Variants in CDH13 observed in about 807,000 individuals in gnomAD.
CDH13 encodes cadherin 13.
Under a neutral mutation model 63.8 loss-of-function variants are expected in CDH13, and 24 were observed. That is an observed-to-expected ratio of 0.38 (90% CI 0.27 to 0.53). CDH13 has a LOEUF of 0.53. CDH13 is among the 20% of genes least tolerant of loss of function. The pLI, the probability that CDH13 is intolerant of heterozygous loss-of-function variation, is 0.85. For missense variants in CDH13, 1,049 were observed against 903.1 expected (o/e 1.16, Z -2.07); for synonymous variants, 503 against 355.3 (o/e 1.42, Z -4.67).
At position 83,342,843 on chromosome 16, in the gene CDH13, G is replaced by GTTTTTTTTTTTTT. The variant is rs778316746; in HGVS notation, c.637-2007_637-1995dup. Among the ~76,000 whole-genome samples the GTTTTTTTTTTTTT allele has an allele frequency of 1.9e-3, 125 of 65,290 alleles. 1 individual carries two copies. The highest frequency in any genetic ancestry group is 2.2e-3 in the Non-Finnish European group (83 of 38,046). 42.8% of individuals were successfully genotyped at this position (65,290 alleles called of 152,430 possible). Reference sequence around the variant, plus strand: ...TTAGGCACAGTGTTTTTTTGTTTCTGTTTTTTTTTTTTTTTTTTTTTTTTG... The same window carrying GTTTTTTTTTTTTT: ...TTAGGCACAGTGTTTTTTTGTTTCTGTTTTTTTTTTTTTTTTTTTTTTTTTTTTTTTTTTTTTG... On this transcript the variant is annotated intron_variant, in intron 5 of 13. Transcript: ENST00000567109.
rs1399574032 is a variant in CDH13, at chr16:82,644,051, G to A, written c.45+16914G>A. On this transcript the variant is annotated intron_variant, in intron 1 of 13. Transcript: ENST00000567109. This position sits in a 1 kb window ranked among gnomAD's most constrained non-coding sequence, Gnocchi z 5.7. ...CTTTTAAAAGTAGTAAGTGGTTTAG[G>A]ATGGGGGGTGGTATGGAGGTCGGGT... 6.6e-6 allele frequency among the ~76,000 whole-genome samples: 1 copy of A among 152,186 alleles called. No homozygotes were observed. Among genetic ancestry groups the A allele is most frequent in the South Asian group, 2.1e-4 (1 of 4,814 alleles).
intron 6 of CDH13, among the ~76,000 whole-genome samples, chr16:83,414,258 A>C (rs1174288176): frequency 6.6e-6 from 1 of 152,204 alleles, no homozygotes; most frequent in African/African-American, 2.4e-5. Context: ...TGTTGTTTAA[A>C]AAACAACTTT....
At chr16:83,135,470 C>T (rs551993153) in intron 4 of CDH13, among the ~76,000 whole-genome samples, 8 of 152,304 alleles carry the variant, frequency 5.3e-5, no homozygotes, top group African/African-American at 1.9e-4. Context: ...CTGAGCATGA[C>T]CAAGGTGCAG....
At chr16:83,123,501 A>T (rs909962020) in intron 3 of CDH13, among the ~76,000 whole-genome samples, 2 of 151,196 alleles carry the variant, frequency 1.3e-5, no homozygotes, top group African/African-American at 4.9e-5. Flanking sequence ...CTGGTCTCAA[A>T]CTCCCAACCT....
At chr16:83,552,947 C>A (rs2075534043) in intron 7 of CDH13, among the ~76,000 whole-genome samples, 1 of 152,058 alleles carries the variant, frequency 6.6e-6, no homozygotes, top group Non-Finnish European at 1.5e-5. Context: ...GGAGTGGTGG[C>A]ACGCACCTGT....
intron 3 of CDH13, among the ~76,000 whole-genome samples, chr16:83,074,567 A>C (rs758101334): frequency 5.7e-4 from 87 of 152,176 alleles, no homozygotes; most frequent in Non-Finnish European, 1.0e-3. Flanking sequence ...TTTTTTAAGA[A>C]ATATCCATAC....
At chr16:83,326,763 A>G (rs2090372131) in intron 5 of CDH13, among the ~76,000 whole-genome samples, 1 of 152,188 alleles carries the variant, frequency 6.6e-6, no homozygotes, top group Non-Finnish European at 1.5e-5. Context: ...AGGACACTTA[A>G]GAAAGTTGGA....
rs186772198 is a variant in CDH13 at position 83,161,846 on chromosome 16, G to A, written c.483+36345G>A. ...GAGTTTCAGAAGCCTGAGACGCTAT[G>A]TCAAACAACCCACCGTAGTTATTCA... On this transcript the variant is annotated intron_variant, in intron 4 of 13. Transcript: ENST00000567109. 2.6e-5 allele frequency among the ~76,000 whole-genome samples: 4 copies of A among 152,282 alleles called. No individual in the cohort carries two copies. The East Asian group carries it at 5.8e-4, about 22-fold the overall frequency.
chr16:83,292,002 A>G (rs943455651), intron 5 of CDH13, among the ~76,000 whole-genome samples: 1 of 152,090 alleles, frequency 6.6e-6, no homozygotes, highest in Non-Finnish European at 1.5e-5. Flanking sequence ...TGTATAGGAG[A>G]GTTAATTTGT....
chr16:83,411,024 A>G (rs184234967), intron 6 of CDH13, among the ~76,000 whole-genome samples: 17 of 152,260 alleles, frequency 1.1e-4, no homozygotes, highest in South Asian at 8.3e-4. Flanking sequence ...TTTCTCTCCC[A>G]TATCCAGTTG....
intron 2 of CDH13, among the ~76,000 whole-genome samples, chr16:82,984,857 C>T (rs1910738916): frequency 6.6e-6 from 1 of 152,140 alleles, no homozygotes; most frequent in African/African-American, 2.4e-5. Context: ...CTATGTGCTC[C>T]ATAACTATTA....
At chr16:82,791,437 A>C (rs1597593996) in intron 1 of CDH13, among the ~76,000 whole-genome samples, 1 of 152,180 alleles carries the variant, frequency 6.6e-6, no homozygotes, top group Non-Finnish European at 1.5e-5. Flanking sequence ...GGGGAGCGAC[A>C]ATGATCGGGA....
At chr16:82,918,318 C>G (rs1473898014) in intron 2 of CDH13, among the ~76,000 whole-genome samples, 1 of 152,102 alleles carries the variant, frequency 6.6e-6, no homozygotes, top group African/African-American at 2.4e-5. Flanking sequence ...TCACAGAAGA[C>G]ACGGAGAAAA....
At position 82,806,902 on chromosome 16, in the gene CDH13, C is replaced by A. The variant is rs1034112655; in HGVS notation, c.46-51460C>A. Among the ~76,000 whole-genome samples the A allele has an allele frequency of 2.6e-5, 4 of 152,238 alleles. No homozygotes were observed. In the East Asian group the frequency reaches 7.7e-4, roughly 29 times the overall value. On this transcript the variant is annotated intron_variant, in intron 1 of 13. Transcript: ENST00000567109. ...AGGAATTTGCAAAGAATAATATGCT[C>A]TAGCATATTCCAGCAAGGAGTGATC... is the stretch of plus-strand genomic sequence containing the variant.
intron 2 of CDH13, among the ~76,000 whole-genome samples, chr16:82,957,003 G>A (rs1479983157): frequency 1.3e-5 from 2 of 152,176 alleles, no homozygotes; most frequent in African/African-American, 4.8e-5. Context: ...ATCTATCTGA[G>A]AGATGTGTAG....
chr16:83,284,079 C>T (rs1371410106), intron 5 of CDH13, among the ~76,000 whole-genome samples: 1 of 152,186 alleles, frequency 6.6e-6, no homozygotes, highest in Non-Finnish European at 1.5e-5. Context: ...TGTTATCAAA[C>T]ACAGTAGTTA....
chr16:83,548,279 C>A (rs1023950254), intron 7 of CDH13, among the ~76,000 whole-genome samples: 2 of 152,124 alleles, frequency 1.3e-5, no homozygotes, highest in African/African-American at 4.8e-5. Flanking sequence ...ACAGTTGTGT[C>A]TTCCAAGGAA....
chr16:82,843,454 G>A (rs756648211), intron 1 of CDH13, among the ~76,000 whole-genome samples: 4 of 152,148 alleles, frequency 2.6e-5, no homozygotes, highest in Non-Finnish European at 4.4e-5. Context: ...CATATACTCC[G>A]ACCCAGGGGA....
At chr16:83,740,136 G>A (rs760413002) in intron 10 of CDH13, 10 of 152,180 alleles carry the variant, frequency 6.6e-5, no homozygotes, top group Non-Finnish European at 1.0e-4. Context: ...GAAGGCCAGC[G>A]AGTCTGTAAC....
Sources: allele counts gnomAD v4.1 joint callset (sites outside exome capture counted in the v4.1 genomes callset), GRCh38; gene constraint gnomAD v4.1.1; non-coding constraint Gnocchi (gnomAD v3.1); transcripts MANE v1.5; gene names NCBI Gene and HGNC (gene_info 2026-07-23, HGNC 2026-07-21).